SHISA9: variants seen among roughly 807,000 people sequenced by gnomAD.
SHISA9 encodes the protein protein shisa-9.
Under a neutral mutation model 38.0 loss-of-function variants are expected in SHISA9, and 13 were observed. That is an observed-to-expected ratio of 0.34 (90% CI 0.22 to 0.54). The LOEUF is 0.54. Ranked by LOEUF, SHISA9 falls within the 20% of genes least tolerant of loss-of-function variation. The pLI, the probability that SHISA9 is intolerant of heterozygous loss-of-function variation, is 0.91. For synonymous variants in SHISA9, 275 were observed against 242.0 expected (o/e 1.14, Z -1.27); for missense variants, 538 against 575.8 (o/e 0.93, Z 0.67).
the SHISA9 span, among the ~76,000 whole-genome samples, chr16:13,415,955 A>T: frequency 6.6e-6 from 1 of 152,326 alleles, no homozygotes; most frequent in Non-Finnish European, 1.5e-5. Flanking sequence ...ATGTCAGAAT[A>T]GCAGTTACCC....
chr16:13,394,960 T>TGG, the SHISA9 span, among the ~76,000 whole-genome samples: 1 of 151,628 alleles, frequency 6.6e-6, no homozygotes. Context: ...TGTGTGTGTG[T>TGG]GTGTGTGTGG....
At chr16:12,953,208 T>C (rs554361756) in intron 2 of SHISA9, among the ~76,000 whole-genome samples, 2 of 148,672 alleles carry the variant, frequency 1.3e-5, no homozygotes, top group East Asian at 2.0e-4. Context: ...AAAAAACCCC[T>C]CAACAACAAC....
chr16:13,527,559 A>C, the SHISA9 span, among the ~76,000 whole-genome samples: 1 of 152,152 alleles, frequency 6.6e-6, no homozygotes, highest in African/African-American at 2.4e-5. Context: ...AGCAGTCAGT[A>C]TTTTTCTTGT....
At chr16:13,050,168 G>A (rs1196575010) in intron 2 of SHISA9, among the ~76,000 whole-genome samples, 1 of 151,898 alleles carries the variant, frequency 6.6e-6, no homozygotes, top group African/African-American at 2.4e-5. Flanking sequence ...TCAATAATAT[G>A]GTCTTATTTG....
the SHISA9 span, among the ~76,000 whole-genome samples, chr16:13,269,006 T>TA: frequency 4.6e-3 from 689 of 151,294 alleles, 3 homozygotes; most frequent in African/African-American, 0.013. Flanking sequence ...GACATCCAGG[T>TA]AAAAAAAAAT....
At chr16:13,130,121 T>C (rs565708284) in intron 2 of SHISA9, among the ~76,000 whole-genome samples, 33 of 152,336 alleles carry the variant, frequency 2.2e-4, no homozygotes, top group African/African-American at 7.7e-4. Context: ...ATTGGCACCA[T>C]GGGCTCTCTG....
rs569425430 is a variant in SHISA9, at chr16:13,193,048, A to G, written c.692-10346A>G. On this transcript the variant is annotated intron_variant, in intron 2 of 4. Coordinates refer to ENST00000558583, the MANE Select transcript of SHISA9 (RefSeq NM_001145204.3). ...TCTGACTGGGAAATTTTGCAGGAAGAAGGAAGTTATTCAAGACAGAAGGAA... is the reference window on the plus strand; with the variant it reads ...TCTGACTGGGAAATTTTGCAGGAAGGAGGAAGTTATTCAAGACAGAAGGAA... 8.5e-5 allele frequency among the ~76,000 whole-genome samples: 13 copies of G among 152,340 alleles called. No homozygotes were observed. The East Asian group carries it at 1.9e-3, about 23-fold the overall frequency.
chr16:13,381,592 G>C, the SHISA9 span, among the ~76,000 whole-genome samples: 1 of 152,160 alleles, frequency 6.6e-6, no homozygotes, highest in Non-Finnish European at 1.5e-5. Context: ...TTATTGGACG[G>C]GTTGGGGAGC....
chr16:13,529,968 A>C, the SHISA9 span, among the ~76,000 whole-genome samples: 1 of 152,182 alleles, frequency 6.6e-6, no homozygotes, highest in African/African-American at 2.4e-5. Flanking sequence ...CTTACTACAG[A>C]CTTTTGGGAG....
At chr16:13,401,998 C>A in the SHISA9 span, among the ~76,000 whole-genome samples, 1 of 152,152 alleles carries the variant, frequency 6.6e-6, no homozygotes, top group Non-Finnish European at 1.5e-5. Context: ...GCCCCCATTA[C>A]TCAATTACCT....
the SHISA9 span, among the ~76,000 whole-genome samples, chr16:13,255,562 C>A: frequency 6.6e-6 from 1 of 152,334 alleles, no homozygotes; most frequent in East Asian, 1.9e-4. Context: ...AAGTGAAATC[C>A]AGATCTGGCT....
chr16:13,307,605 A>C, the SHISA9 span, among the ~76,000 whole-genome samples: 1 of 152,192 alleles, frequency 6.6e-6, no homozygotes, highest in Non-Finnish European at 1.5e-5. Flanking sequence ...ACCTGATTAC[A>C]ATGACTAATC....
the SHISA9 span, among the ~76,000 whole-genome samples, chr16:13,351,281 C>T: frequency 4.6e-5 from 7 of 152,250 alleles, no homozygotes; most frequent in Admixed American, 4.6e-4. Flanking sequence ...CCCAGACAGA[C>T]GACGTTAAAG....
chr16:13,283,628 C>T, the SHISA9 span, among the ~76,000 whole-genome samples: 6 of 151,980 alleles, frequency 3.9e-5, no homozygotes, highest in African/African-American at 1.5e-4. Flanking sequence ...CCCCATGATT[C>T]AGTTATCTCC....
chr16:13,493,353 A>G, the SHISA9 span, among the ~76,000 whole-genome samples: 1 of 152,226 alleles, frequency 6.6e-6, no homozygotes, highest in Non-Finnish European at 1.5e-5. Context: ...TTCTGTTAAA[A>G]TAATTTCAAA....
the SHISA9 span, among the ~76,000 whole-genome samples, chr16:13,373,970 G>C: frequency 6.6e-6 from 1 of 152,142 alleles, no homozygotes; most frequent in East Asian, 1.9e-4. Context: ...CAAGGAAGGA[G>C]TTGAAGGAAA....
At chr16:13,216,202 A>G (rs1202841556) in intron 4 of SHISA9, among the ~76,000 whole-genome samples, 1 of 142,026 alleles carries the variant, frequency 7.0e-6, no homozygotes, top group African/African-American at 2.7e-5. Context: ...AAAAAAAAAA[A>G]AAAAGAGAGA....
chr16:13,136,718 G>T (rs1413312530), intron 2 of SHISA9, among the ~76,000 whole-genome samples: 1 of 152,000 alleles, frequency 6.6e-6, no homozygotes, highest in Non-Finnish European at 1.5e-5. Context: ...TCCTTAATAG[G>T]TAGTCTGATC....
At chr16:13,200,427 C>A (rs901637204) in intron 2 of SHISA9, among the ~76,000 whole-genome samples, 1 of 131,906 alleles carries the variant, frequency 7.6e-6, no homozygotes, top group Non-Finnish European at 1.6e-5. Flanking sequence ...CACACACACA[C>A]ACACACACAC....
Sources: gnomAD v4.1 joint callset for allele counts (sites outside exome capture counted in the v4.1 genomes callset) on GRCh38, gnomAD v4.1.1 for gene constraint, MANE v1.5 for transcripts, NCBI Gene and HGNC (gene_info 2026-07-23, HGNC 2026-07-21) for gene names.